The following HERC2 variants were observed in gnomAD, a reference collection of about 807,000 sequenced individuals.
HERC2 encodes the protein HECT and RLD domain containing E3 ubiquitin protein ligase 2.
A neutral mutation model predicts 537.7 loss-of-function variants in HERC2; 102 were observed. The observed-to-expected ratio is 0.19, with a 90% CI of 0.16 to 0.22. HERC2 has a LOEUF of 0.22. Ranked by LOEUF, HERC2 falls within the 10% of genes least tolerant of loss-of-function variation. The pLI, the probability that HERC2 is intolerant of heterozygous loss-of-function variation, is 1.00. For missense variants in HERC2, 4,236 were observed against 6,198.2 expected, an observed-to-expected ratio of 0.68 and a Z score of 10.63; for synonymous variants, 2,224 against 2,466.2, an observed-to-expected ratio of 0.90 and a Z score of 2.91.
At chr15:28,277,461 T>C (rs953781655) in intron 5 of HERC2, among the ~76,000 whole-genome samples, 2 of 84,776 alleles carry the variant, frequency 2.4e-5, no homozygotes, top group African/African-American at 7.5e-5. Context: ...TCCACAATTA[T>C]CTAAAAAAAA....
chr15:28,130,359 G>C, intron 82 of HERC2, 57 bp from the exon 83 acceptor site: 1 of 1,611,252 alleles, frequency 6.2e-7, no homozygotes, highest in Admixed American at 1.7e-5. Context: ...TGACCACCCT[G>C]ACCAGCCTCC....
chr15:28,197,288 A>T (rs545700467), intron 50 of HERC2, among the ~76,000 whole-genome samples: 1 of 152,290 alleles, frequency 6.6e-6, no homozygotes, highest in African/African-American at 2.4e-5. Flanking sequence ...ACACATACTT[A>T]TTTCTCATGC....
At chr15:28,299,679 G>T (rs1229150881) in intron 2 of HERC2, among the ~76,000 whole-genome samples, 163 bp from the exon 3 acceptor site, 6 of 152,122 alleles carry the variant, frequency 3.9e-5, no homozygotes, top group Admixed American at 1.3e-4. Flanking sequence ...TTACATTTCA[G>T]GAAAGTCATC....
rs1439276687 is a variant in HERC2 at position 28,142,191 on chromosome 15, A to G, written c.11700+47T>C. On this transcript the variant is annotated intron_variant, in intron 76 of 92. Coordinates refer to ENST00000261609, the MANE Select transcript of HERC2 (RefSeq NM_004667.6). The stretch of plus-strand genomic sequence containing the variant: ...TGGCATCTTGTTACACTATAGCTAA[A>G]TAATGTTTTTGCATCCCAAAAGTGA... 7 of 1,585,908 alleles carry G rather than the reference A, an allele frequency of 4.4e-6. No homozygotes were observed. In the South Asian group the frequency reaches 8.0e-5, roughly 18 times the overall value.
At chr15:28,178,529 C>T (rs1895513515) in intron 59 of HERC2, among the ~76,000 whole-genome samples, 1 of 152,004 alleles carries the variant, frequency 6.6e-6, no homozygotes, top group Non-Finnish European at 1.5e-5. Flanking sequence ...GTGTCTAATT[C>T]AGTTCCATTC....
intron 78 of HERC2, among the ~76,000 whole-genome samples, chr15:28,137,562 A>G (rs1435614597): frequency 6.6e-6 from 1 of 152,198 alleles, no homozygotes; most frequent in Non-Finnish European, 1.5e-5. Context: ...GTAATGTTTG[A>G]TGTTACTGTT....
chr15:28,321,521 C>T (rs2077228570), intron 1 of HERC2, 57 bp from the exon 2 acceptor site: 2 of 867,788 alleles, frequency 2.3e-6, no homozygotes. Context: ...TACAAAGACA[C>T]TCCCGAAAGC....
intron 2 of HERC2, among the ~76,000 whole-genome samples, chr15:28,313,845 G>A (rs2141291697): frequency 6.6e-6 from 1 of 152,260 alleles, no homozygotes; most frequent in Non-Finnish European, 1.5e-5. Context: ...GAGGAAGAAA[G>A]AGGCCCAGAG....
At chr15:28,212,996 G>A (rs1196335302) in intron 42 of HERC2, 2 of 150,990 alleles carry the variant, frequency 1.3e-5, no homozygotes, top group African/African-American at 4.9e-5. Context: ...CGGATCACCT[G>A]AGGTCAGGAG....
At chr15:28,114,912 T>G (rs1888045225) in intron 89 of HERC2, 110 bp from the exon 90 acceptor site, 1 of 857,756 alleles carries the variant, frequency 1.2e-6, no homozygotes, top group Non-Finnish European at 1.8e-6. Flanking sequence ...CAGCCTCAAG[T>G]GCATCTCGAG....
At chr15:28,282,672 A>C (rs2141066226) in intron 4 of HERC2, among the ~76,000 whole-genome samples, 1 of 152,304 alleles carries the variant, frequency 6.6e-6, no homozygotes, top group South Asian at 2.1e-4. Context: ...GGTGGCTCAC[A>C]GCTGTAATCC....
At chr15:28,251,937 C>T (rs2075097236) in intron 20 of HERC2, among the ~76,000 whole-genome samples, 2 of 152,102 alleles carry the variant, frequency 1.3e-5, no homozygotes, top group South Asian at 4.1e-4. Context: ...TCCTCAAAAA[C>T]CATCAGGGTA....
chr15:28,304,862 C>G (rs1428588101), intron 2 of HERC2, among the ~76,000 whole-genome samples: 1 of 113,540 alleles, frequency 8.8e-6, no homozygotes, highest in Non-Finnish European at 1.8e-5. Flanking sequence ...CCTCCCCCCT[C>G]CCCCCACCCC....
chr15:28,111,901 C>T lies in HERC2; in HGVS notation c.14367G>A (p.Lys4789=), dbSNP rs770386449. The T allele has an allele frequency of 6.2e-7, 1 of 1,614,106 alleles. No homozygotes were observed. The highest frequency in any genetic ancestry group is 1.3e-5 in the African/African-American group (1 of 74,922). ...GAGCGTAGTCATCTGTGTCTATGGA[C>T]TTGCAGAAGTGGATGGCGTACTTGA... is the stretch of plus-strand genomic sequence containing the variant. ...EKLKYAIHFC[K]SIDTDDYARI... Residue 4789 remains lysine, a synonymous_variant, in exon 93 of 93, where the codon AAG becomes AAA. Transcript: ENST00000261609.
In HERC2 at chr15:28,141,549, C is replaced by T. The variant is rs1238422592; in HGVS notation, c.11898G>A (p.Gly3966=). 5 of 1,614,172 alleles carry T rather than the reference C, an allele frequency of 3.1e-6. No homozygotes were observed. The African/African-American group carries it at 4.0e-5, about 13-fold the overall frequency. ...GWGHNHRGQL[G]GIEGAKVKVP... is the part of the protein sequence containing the mutation. The stretch of plus-strand genomic sequence containing the variant: ...CTTTGACTTTTGCGCCTTCAATGCC[C>T]CCGAGCTGGCCCCTGTGATTATGTC... Residue 3966 remains glycine (G), a synonymous_variant, in exon 78 of 93, where the codon GGG becomes GGA. Transcript: ENST00000261609.
intron 37 of HERC2, among the ~76,000 whole-genome samples, chr15:28,219,758 G>C (rs1176375399): frequency 1.3e-5 from 2 of 152,188 alleles, no homozygotes; most frequent in African/African-American, 4.8e-5. Context: ...AGCCATGGGG[G>C]GCACTGCGGT....
At position 28,202,098 on chromosome 15, in the gene HERC2, A is replaced by C; in HGVS notation, c.7617+15T>G. 1 of 1,440,616 alleles carries C rather than the reference A, an allele frequency of 6.9e-7. No homozygotes were observed. The highest frequency in any genetic ancestry group is 2.3e-5 in the East Asian group (1 of 43,366). The allele number at this position is 1,440,616 out of a possible 1,614,324, so 89.2% of individuals were successfully genotyped here. On this transcript the variant is annotated intron_variant, in intron 47 of 92. Coordinates refer to ENST00000261609, the MANE Select transcript of HERC2 (RefSeq NM_004667.6). ...CAGCGGCCCAGGTGCGGGCGGTCAC[A>C]TGGGAGGCACTGACCATGGAGTAGG...
In HERC2 at chr15:28,248,644, G is replaced by T. The variant is rs139087469; in HGVS notation, c.3143C>A (p.Ser1048Tyr). Residue 1048 changes from serine to tyrosine, a missense_variant, in exon 21 of 93, where the codon TCT (serine) becomes TAT (tyrosine). Coordinates refer to ENST00000261609, the MANE Select transcript of HERC2 (RefSeq NM_004667.6). ...LDFEQHSRER[S>Y]ASLDLLLRFQ... is the part of the protein sequence containing the mutation. ...ACGCAGTAACAAATCCAATGAAGCA[G>T]ATCTTTCACGACTGTGTTGCTCAAA... is the stretch of plus-strand genomic sequence containing the variant. 6 of 1,613,694 alleles carry T rather than the reference G, an allele frequency of 3.7e-6. No homozygotes were observed. In the African/African-American group the frequency reaches 8.0e-5, roughly 22 times the overall value.
chr15:28,168,302 G>A, intron 67 of HERC2, 105 bp downstream of exon 67: 1 of 1,092,338 alleles, frequency 9.2e-7, no homozygotes, highest in South Asian at 1.6e-5. Context: ...ATCTAAGCGG[G>A]AGGCACAGAA....
Sources: gnomAD v4.1 joint callset for allele counts (sites outside exome capture counted in the v4.1 genomes callset) on GRCh38, gnomAD v4.1.1 for gene constraint, MANE v1.5 for transcripts, NCBI Gene and HGNC (gene_info 2026-07-23, HGNC 2026-07-21) for gene names.